Variants in STXBP4 observed in about 807,000 individuals in gnomAD.
The protein encoded by STXBP4 is syntaxin-binding protein 4.
A neutral mutation model predicts 76.1 loss-of-function variants in STXBP4; 55 were observed. The ratio of observed to expected loss-of-function variants is 0.72; its 90% confidence interval spans 0.58 to 0.91. STXBP4 has a LOEUF of 0.91. Among genes scored for constraint, STXBP4 ranks in the 40% least tolerant of loss-of-function variants. The pLI, the probability that STXBP4 is intolerant of heterozygous loss-of-function variation, is 0.00. For missense variants in STXBP4, 618 were observed against 636.9 expected, an observed-to-expected ratio of 0.97 and a Z score of 0.32; for synonymous variants, 201 against 220.2, an observed-to-expected ratio of 0.91 and a Z score of 0.77.
intron 16 of STXBP4, among the ~76,000 whole-genome samples, chr17:55,092,475 A>G (rs965998629): frequency 3.3e-5 from 5 of 152,166 alleles, no homozygotes; most frequent in Non-Finnish European, 2.9e-5. Context: ...TCTTTGGCAT[A>G]TTATTTTAGG....
At chr17:55,120,085 T>G (rs2079826855) in intron 16 of STXBP4, among the ~76,000 whole-genome samples, 1 of 152,196 alleles carries the variant, frequency 6.6e-6, no homozygotes, top group African/African-American at 2.4e-5. Context: ...TATTATAAGT[T>G]AAAGGTGTTC....
At chr17:54,998,918 G>C (rs1382401827) in intron 4 of STXBP4, among the ~76,000 whole-genome samples, 1 of 151,978 alleles carries the variant, frequency 6.6e-6, no homozygotes, top group African/African-American at 2.4e-5. Flanking sequence ...ACATTGAACA[G>C]TTTGGTGGGA....
rs558323467 is a variant in STXBP4, at chr17:55,001,768, G to A, written c.574+885G>A. On this transcript the variant is annotated intron_variant, in intron 7 of 17. Transcript: ENST00000376352. ...CTGCCTCAGCCTCCCAAGTAGCTGG[G>A]ATTACAGGCGCCTGCCACCATGCCC... Among the ~76,000 whole-genome samples, 30 of 152,250 alleles carry A rather than the reference G, an allele frequency of 2.0e-4. 2 individuals carry two copies. The highest frequency in any genetic ancestry group is 7.0e-4 in the African/African-American group (29 of 41,548).
chr17:55,162,104 T>A lies in STXBP4; in HGVS notation c.*2193T>A, dbSNP rs115684465. On this transcript the variant is annotated 3_prime_UTR_variant, in exon 18 of 18. Coordinates refer to ENST00000376352, the MANE Select transcript of STXBP4 (RefSeq NM_178509.6). ...CAATCTGAATTCCTTACTTGGGGAATGTTGCTGAGGAGGTTCAGTGTGTGA... is the reference window on the plus strand; with the variant it reads ...CAATCTGAATTCCTTACTTGGGGAAAGTTGCTGAGGAGGTTCAGTGTGTGA... The A allele has an allele frequency of 7.7e-4, 118 of 152,330 alleles. 1 individual carries two copies. The highest frequency in any genetic ancestry group is 3.4e-3 in the Middle Eastern group (1 of 294). 9.4% of individuals were successfully genotyped at this position (152,330 alleles called of 1,614,324 possible).
At chr17:55,123,491 G>A (rs1002974461) in intron 16 of STXBP4, among the ~76,000 whole-genome samples, 4 of 152,124 alleles carry the variant, frequency 2.6e-5, no homozygotes, top group African/African-American at 7.2e-5. Flanking sequence ...GCTGCCAGAC[G>A]AAGAGAAGAG....
intron 1 of STXBP4, among the ~76,000 whole-genome samples, chr17:54,976,903 T>C (rs192265489): frequency 2.0e-5 from 3 of 152,276 alleles, no homozygotes; most frequent in Non-Finnish European, 4.4e-5. Context: ...AACCAATCAC[T>C]TGCTACCTGT....
the STXBP4 span, among the ~76,000 whole-genome samples, chr17:55,204,874 A>G: frequency 7.2e-5 from 11 of 151,752 alleles, no homozygotes; most frequent in Middle Eastern, 3.4e-3. Flanking sequence ...AAAGGTATCA[A>G]TCTAGAGCTA....
At chr17:55,176,197 G>A (rs914827637), downstream of STXBP4, among the ~76,000 whole-genome samples, 4 of 152,220 alleles carry the variant, frequency 2.6e-5, no homozygotes, top group African/African-American at 9.7e-5. Context: ...AAGTGAAGCA[G>A]AGAAGAAGGC....
At chr17:55,039,890 T>G (rs1280278038) in intron 10 of STXBP4, among the ~76,000 whole-genome samples, 1 of 152,100 alleles carries the variant, frequency 6.6e-6, no homozygotes, top group Non-Finnish European at 1.5e-5. Flanking sequence ...AGCTGGCAAG[T>G]ACAAATAACC....
At chr17:55,088,053 G>C (rs946144803) in intron 16 of STXBP4, among the ~76,000 whole-genome samples, 3 of 152,116 alleles carry the variant, frequency 2.0e-5, no homozygotes, top group South Asian at 2.1e-4. Flanking sequence ...AAATATAATT[G>C]CTAATGTTGG....
At chr17:55,042,419 TA>T (rs1395417235) in intron 10 of STXBP4, among the ~76,000 whole-genome samples, 2 of 152,278 alleles carry the variant, frequency 1.3e-5, no homozygotes, top group East Asian at 1.9e-4. Context: ...TTGTTTTTAT[TA>T]TTTTTTTTCT....
At chr17:55,201,954 A>G in the STXBP4 span, among the ~76,000 whole-genome samples, 1 of 152,234 alleles carries the variant, frequency 6.6e-6, no homozygotes, top group Non-Finnish European at 1.5e-5. Flanking sequence ...ACAGTAAACA[A>G]TTCACAAAGA....
chr17:55,089,454 C>A (rs1353837029), intron 16 of STXBP4, among the ~76,000 whole-genome samples: 1 of 152,164 alleles, frequency 6.6e-6, no homozygotes, highest in African/African-American at 2.4e-5. Flanking sequence ...TCTTAATCAG[C>A]ATCTTATCTT....
intron 8 of STXBP4, among the ~76,000 whole-genome samples, chr17:55,018,715 G>A (rs1598212367): frequency 1.3e-5 from 2 of 152,270 alleles, no homozygotes; most frequent in Admixed American, 1.3e-4. Flanking sequence ...TTTGGGGGCA[G>A]GGGGTGGATC....
At position 54,977,383 on chromosome 17, in the gene STXBP4, T is replaced by C. The variant is rs140516763; in HGVS notation, c.-156-8231T>C. Among the ~76,000 whole-genome samples, 504 of 152,340 alleles carry C rather than the reference T, an allele frequency of 3.3e-3. 2 individuals are homozygous for C. The highest frequency in any genetic ancestry group is 0.011 in the African/African-American group (469 of 41,586). Reference sequence around the variant, plus strand: ...CTGAACATGTACACACTTTTTCTTGTCATCATGCCCTAAATAATATAGCAT... The same window carrying C: ...CTGAACATGTACACACTTTTTCTTGCCATCATGCCCTAAATAATATAGCAT... On this transcript the variant is annotated intron_variant, in intron 1 of 17. Transcript: ENST00000376352.
intron 9 of STXBP4, among the ~76,000 whole-genome samples, chr17:55,033,635 C>A (rs1598238857): frequency 6.6e-6 from 1 of 152,130 alleles, no homozygotes; most frequent in African/African-American, 2.4e-5. Context: ...TTCCTCTTTG[C>A]CACGTGGCCT....
At chr17:55,015,255 G>A (rs902091741) in intron 8 of STXBP4, among the ~76,000 whole-genome samples, 4 of 152,124 alleles carry the variant, frequency 2.6e-5, no homozygotes, top group African/African-American at 4.8e-5. Context: ...CTTCTAGCAC[G>A]CAAGTTAGCA....
the STXBP4 span, among the ~76,000 whole-genome samples, chr17:55,211,548 G>T: frequency 0.39 from 58,667 of 151,882 alleles, 12,306 homozygotes; most frequent in Non-Finnish European, 0.47. Flanking sequence ...TTTCCATTCT[G>T]TTCCACTTAT....
At chr17:55,148,895 C>T (rs1415849509) in intron 17 of STXBP4, among the ~76,000 whole-genome samples, 1 of 152,124 alleles carries the variant, frequency 6.6e-6, no homozygotes, top group East Asian at 1.9e-4. Flanking sequence ...AATTTGGGGG[C>T]TTTGATTCAT....
Sources: gnomAD v4.1 joint callset for allele counts (sites outside exome capture counted in the v4.1 genomes callset) on GRCh38, gnomAD v4.1.1 for gene constraint, MANE v1.5 for transcripts, NCBI Gene and HGNC (gene_info 2026-07-23, HGNC 2026-07-21) for gene names.